Variants in SLIT1 observed in about 807,000 individuals in gnomAD.
SLIT1 encodes the protein slit guidance ligand 1.
In SLIT1, 66 loss-of-function variants were observed where a neutral mutation model predicts 186.1. The ratio of observed to expected loss-of-function variants is 0.35; its 90% CI spans 0.29 to 0.44. The LOEUF (loss-of-function observed/expected upper bound fraction) is 0.44, where lower values mean the gene tolerates loss of function less well. SLIT1 is among the 20% of genes least tolerant of loss of function. SLIT1 has a pLI of 1.00. For missense variants in SLIT1, 1,638 were observed against 2,037.4 expected, an observed-to-expected ratio of 0.80 and a Z score of 3.77; for synonymous variants, 761 against 833.8, an observed-to-expected ratio of 0.91 and a Z score of 1.50.
intron 9 of SLIT1, 141 bp downstream of exon 9, chr10:97,060,499 G>A: frequency 9.4e-7 from 1 of 1,064,738 alleles, no homozygotes; most frequent in Non-Finnish European, 1.3e-6. Flanking sequence ...CAGCCCAGCA[G>A]AGGCAAACTG....
chr10:97,060,225 G>A, intron 9 of SLIT1, 67 bp from the exon 10 acceptor site: 1 of 1,266,666 alleles, frequency 7.9e-7, no homozygotes, highest in Non-Finnish European at 1.2e-6. Flanking sequence ...GTTATCTGCT[G>A]GGCTCACCTG....
chr10:97,125,793 C>T (rs1440331998), intron 4 of SLIT1, among the ~76,000 whole-genome samples: 4 of 151,966 alleles, frequency 2.6e-5, no homozygotes, highest in Non-Finnish European at 2.9e-5. Flanking sequence ...GAGCTGAGAT[C>T]GCACCACTGA....
chr10:97,085,035 T>C (rs1373592425), intron 4 of SLIT1, among the ~76,000 whole-genome samples: 2 of 151,220 alleles, frequency 1.3e-5, no homozygotes, highest in Non-Finnish European at 2.9e-5. Flanking sequence ...GCCATTCTCC[T>C]GCCTCAGCCT....
At chr10:97,151,581 T>G (rs1849880500) in intron 4 of SLIT1, among the ~76,000 whole-genome samples, 1 of 145,330 alleles carries the variant, frequency 6.9e-6, no homozygotes. Flanking sequence ...GACAGATGGG[T>G]GGATGGGTGG....
rs535772467 is a variant in SLIT1, at chr10:97,057,941, C to G, written c.1086-660G>C. On this transcript the variant is annotated intron_variant, in intron 11 of 36. Coordinates refer to ENST00000266058, the MANE Select transcript of SLIT1 (RefSeq NM_003061.3). ...TTCCCAATATCATAATCGGACCCCA[C>G]AAGCTACCCTCGTAAACGTTCAAGC... 1.2e-4 allele frequency: 85 copies of G among 716,218 alleles called. 1 individual carries two copies. The highest frequency in any genetic ancestry group is 6.9e-4 in the Middle Eastern group (3 of 4,368). 44.4% of individuals were successfully genotyped at this position (716,218 alleles called of 1,614,324 possible). A position where few individuals can be genotyped will look rare whatever the true frequency, so the allele number is the denominator to read the frequency against.
intron 13 of SLIT1, among the ~76,000 whole-genome samples, chr10:97,051,429 A>G (rs1322117142): frequency 6.6e-6 from 1 of 152,238 alleles, no homozygotes; most frequent in African/African-American, 2.4e-5. Context: ...ACTGGTGGGA[A>G]TGTAAAATAG....
chr10:97,109,118 G>A (rs1438431474), intron 4 of SLIT1, among the ~76,000 whole-genome samples: 1 of 151,808 alleles, frequency 6.6e-6, no homozygotes, highest in African/African-American at 2.4e-5. Flanking sequence ...GGAAGCCAAG[G>A]TGGGAGGATC....
chr10:97,002,549 G>A (rs569166356), intron 35 of SLIT1, among the ~76,000 whole-genome samples, 155 bp downstream of exon 35: 1 of 151,968 alleles, frequency 6.6e-6, no homozygotes, highest in East Asian at 1.9e-4. Context: ...TATAGGCCTT[G>A]TCCTATTAAT....
chr10:97,157,090 G>T (rs1304489284), intron 4 of SLIT1, among the ~76,000 whole-genome samples: 1 of 152,202 alleles, frequency 6.6e-6, no homozygotes, highest in Non-Finnish European at 1.5e-5. Context: ...TATTTGTCCA[G>T]TGATAGAGTT....
chr10:97,029,015 G>A (rs907654642), intron 25 of SLIT1, among the ~76,000 whole-genome samples: 1 of 152,166 alleles, frequency 6.6e-6, no homozygotes, highest in Non-Finnish European at 1.5e-5. Context: ...GGAATCTTCA[G>A]TGCGGTCCTC....
At chr10:97,164,442 G>A (rs879669020) in intron 2 of SLIT1, among the ~76,000 whole-genome samples, 2 of 152,226 alleles carry the variant, frequency 1.3e-5, no homozygotes, top group African/African-American at 2.4e-5. Context: ...CCCAGAGCCT[G>A]GGAAGCGGCA....
chr10:97,029,161 AC>A (rs913349866), intron 25 of SLIT1, among the ~76,000 whole-genome samples: 55 of 152,352 alleles, frequency 3.6e-4, no homozygotes, highest in African/African-American at 1.2e-3. Context: ...TCAAAGGGCA[AC>A]ACCTGTTACT....
intron 4 of SLIT1, among the ~76,000 whole-genome samples, chr10:97,100,142 G>C (rs759268788): frequency 2.0e-5 from 3 of 152,014 alleles, no homozygotes; most frequent in Non-Finnish European, 2.9e-5. Context: ...GCTGGCTCTT[G>C]GATTGATACA....
intron 13 of SLIT1, among the ~76,000 whole-genome samples, chr10:97,051,245 G>A (rs1848783661): frequency 1.5e-5 from 2 of 129,150 alleles, no homozygotes; most frequent in Non-Finnish European, 3.3e-5. Context: ...CCACTAGGAT[G>A]GCTAGAATCA....
At chr10:97,009,550 A>C (rs1333449216) in intron 31 of SLIT1, among the ~76,000 whole-genome samples, 1 of 152,268 alleles carries the variant, frequency 6.6e-6, no homozygotes, top group Non-Finnish European at 1.5e-5. Context: ...ACATAGGTAT[A>C]AATCTTCATA....
chr10:97,072,324 A>G (rs953032079), intron 4 of SLIT1, among the ~76,000 whole-genome samples: 3 of 152,064 alleles, frequency 2.0e-5, no homozygotes, highest in Non-Finnish European at 2.9e-5. Context: ...ATGCCTGGCT[A>G]ATTTTTTAAA....
intron 4 of SLIT1, among the ~76,000 whole-genome samples, chr10:97,079,437 T>A (rs1424457557): frequency 2.6e-5 from 4 of 152,214 alleles, no homozygotes; most frequent in Admixed American, 6.5e-5. Context: ...TATACTTCAA[T>A]TAAAAGTTTT....
intron 4 of SLIT1, 26 bp from the exon 5 acceptor site, chr10:97,066,112 G>A: frequency 6.4e-7 from 1 of 1,555,558 alleles, no homozygotes; most frequent in Non-Finnish European, 8.8e-7. Context: ...CAGAGGGAGA[G>A]AAAACACCGG....
At chr10:97,079,267 G>C (rs1299028651) in intron 4 of SLIT1, among the ~76,000 whole-genome samples, 4 of 152,220 alleles carry the variant, frequency 2.6e-5, no homozygotes, top group Non-Finnish European at 5.9e-5. Flanking sequence ...AGTTAGTCGG[G>C]ATGGGGGGTG....
Sources: gnomAD v4.1 joint callset for allele counts (sites outside exome capture counted in the v4.1 genomes callset) on GRCh38, gnomAD v4.1.1 for gene constraint, MANE v1.5 for transcripts, NCBI Gene and HGNC (gene_info 2026-07-23, HGNC 2026-07-21) for gene names.